Variants in PDE1A observed in about 807,000 individuals in gnomAD.
PDE1A encodes the protein phosphodiesterase 1A.
In PDE1A, 35 loss-of-function variants were observed where a neutral mutation model predicts 61.7. The ratio of observed to expected loss-of-function variants is 0.57; its 90% CI spans 0.43 to 0.75. PDE1A has a LOEUF of 0.75. Ranked by LOEUF, PDE1A falls within the 30% of genes least tolerant of loss-of-function variation. PDE1A has a pLI of 0.00. For synonymous variants in PDE1A, 232 were observed against 213.2 expected (o/e 1.09, Z -0.77); for missense variants, 597 against 630.6 (o/e 0.95, Z 0.57).
At chr2:182,498,608 A>ACG (rs1395492935) in intron 2 of PDE1A, among the ~76,000 whole-genome samples, 2 of 152,084 alleles carry the variant, frequency 1.3e-5, no homozygotes, top group East Asian at 3.9e-4. Flanking sequence ...ACTGAAAGGC[A>ACG]TGTATTTCCA....
chr2:182,503,056 CACACACACACACACACAT>C (rs762597905), intron 2 of PDE1A, among the ~76,000 whole-genome samples: 3,791 of 68,922 alleles, frequency 0.055, 69 homozygotes, highest in Non-Finnish European at 0.096. Context: ...CACACACACA[CACACACACACACACACAT>C]ACACACACAC....
At chr2:182,256,593 C>A (rs1017157921) in intron 2 of PDE1A, among the ~76,000 whole-genome samples, 9 of 151,942 alleles carry the variant, frequency 5.9e-5, no homozygotes, top group African/African-American at 2.2e-4. Context: ...TTCACAATAG[C>A]AAAGACTTGG....
At chr2:182,294,441 T>G (rs189912666) in intron 1 of PDE1A, among the ~76,000 whole-genome samples, 2 of 152,312 alleles carry the variant, frequency 1.3e-5, no homozygotes, top group Admixed American at 1.3e-4. Flanking sequence ...TCATATGAGT[T>G]TTATAATTCA....
chr2:182,176,760 T>C lies in PDE1A; in HGVS notation c.1517-8470A>G, dbSNP rs1338191411. Among the ~76,000 whole-genome samples, 38 of 148,140 alleles carry C rather than the reference T, an allele frequency of 2.6e-4. No homozygotes were observed. In the East Asian group the frequency reaches 7.3e-3, roughly 29 times the overall value. On this transcript the variant is annotated intron_variant, in intron 13 of 13. Coordinates refer to ENST00000351439, the Ensembl canonical transcript of PDE1A. ...GGTGAGAGAGGGCATCCCTGTCTTG[T>C]GCCAGTTTTCAAAGGGAATGCTTCC...
At chr2:182,425,468 A>G (rs1703558921) in intron 1 of PDE1A, among the ~76,000 whole-genome samples, 1 of 152,226 alleles carries the variant, frequency 6.6e-6, no homozygotes, top group Admixed American at 6.5e-5. Flanking sequence ...TATTAAATCC[A>G]TATATATGAA....
chr2:182,667,404 C>A, the PDE1A span, among the ~76,000 whole-genome samples: 1 of 152,198 alleles, frequency 6.6e-6, no homozygotes, highest in East Asian at 1.9e-4. Context: ...AATCAGGGAA[C>A]CCATCACAAT....
chr2:182,224,153 T>G (rs2125610816), intron 6 of PDE1A, among the ~76,000 whole-genome samples, 189 bp from the exon 7 acceptor site: 1 of 152,096 alleles, frequency 6.6e-6, no homozygotes. Flanking sequence ...AATGATTGTT[T>G]CATGGCATAT....
At chr2:182,338,488 T>C (rs1199475798) in intron 1 of PDE1A, among the ~76,000 whole-genome samples, 5 of 152,182 alleles carry the variant, frequency 3.3e-5, no homozygotes, top group African/African-American at 1.2e-4. Flanking sequence ...CTATCACTGA[T>C]TCCACCCTTC....
chr2:182,225,371 A>G (rs531159683), intron 6 of PDE1A, among the ~76,000 whole-genome samples: 1 of 152,106 alleles, frequency 6.6e-6, no homozygotes, highest in East Asian at 1.9e-4. Flanking sequence ...TTGTAGGTCC[A>G]TGAGTCAAAA....
intron 2 of PDE1A, among the ~76,000 whole-genome samples, chr2:182,242,499 G>T (rs555103120): frequency 1.6e-3 from 246 of 152,292 alleles, no homozygotes; most frequent in Non-Finnish European, 2.9e-3. Context: ...CCTCCGTGAG[G>T]TTTAATTTTA....
intron 1 of PDE1A, among the ~76,000 whole-genome samples, chr2:182,371,831 C>G (rs1700141814): frequency 6.6e-6 from 1 of 152,250 alleles, no homozygotes; most frequent in Non-Finnish European, 1.5e-5. Context: ...TGTCACCAGG[C>G]TGGAGTGCAG....
At chr2:182,254,815 C>T (rs1691657701) in intron 2 of PDE1A, among the ~76,000 whole-genome samples, 1 of 152,134 alleles carries the variant, frequency 6.6e-6, no homozygotes, top group Non-Finnish European at 1.5e-5. Flanking sequence ...GCAGAGACAA[C>T]ACAGTTGTGG....
chr2:182,555,904 T>C, the PDE1A span, among the ~76,000 whole-genome samples: 1 of 130,290 alleles, frequency 7.7e-6, no homozygotes, highest in African/African-American at 2.9e-5. Flanking sequence ...GAGGCAGAGG[T>C]TGCAGTAAGC....
chr2:182,698,255 G>T, the PDE1A span, among the ~76,000 whole-genome samples: 2 of 152,068 alleles, frequency 1.3e-5, no homozygotes, highest in Admixed American at 6.6e-5. Context: ...AGGAGAAAGT[G>T]GTTCTTTATC....
chr2:182,169,951 C>G (rs996851056), intron 13 of PDE1A, among the ~76,000 whole-genome samples: 2 of 138,798 alleles, frequency 1.4e-5, no homozygotes, highest in Non-Finnish European at 3.1e-5. Flanking sequence ...CTCCCTCTCT[C>G]TCTTTCTCTT....
intron 2 of PDE1A, among the ~76,000 whole-genome samples, chr2:182,510,246 T>C (rs1161718027): frequency 6.6e-6 from 1 of 152,184 alleles, no homozygotes; most frequent in Non-Finnish European, 1.5e-5. Flanking sequence ...TCATGTTTCA[T>C]ATATATGCTT....
chr2:182,395,799 T>C (rs1292813408), intron 1 of PDE1A, among the ~76,000 whole-genome samples: 1 of 152,184 alleles, frequency 6.6e-6, no homozygotes, highest in Non-Finnish European at 1.5e-5. Context: ...CCTCTAGGAT[T>C]TGGGAGCAAG....
At chr2:182,637,208 T>C in the PDE1A span, among the ~76,000 whole-genome samples, 1 of 152,290 alleles carries the variant, frequency 6.6e-6, no homozygotes, top group East Asian at 1.9e-4. Context: ...TCATTATTCT[T>C]CCTAGACATC....
At chr2:182,538,849 T>C in the PDE1A span, among the ~76,000 whole-genome samples, 1 of 152,158 alleles carries the variant, frequency 6.6e-6, no homozygotes, top group South Asian at 2.1e-4. Flanking sequence ...ACATCAACAT[T>C]ATATGAATTA....
Sources: gnomAD v4.1 joint callset for allele counts (sites outside exome capture counted in the v4.1 genomes callset) on GRCh38, gnomAD v4.1.1 for gene constraint, MANE v1.5 for transcripts, NCBI Gene and HGNC (gene_info 2026-07-23, HGNC 2026-07-21) for gene names.